The following BAZ2A variants were observed in gnomAD, a reference collection of about 807,000 sequenced individuals.
BAZ2A encodes the protein bromodomain adjacent to zinc finger domain 2A.
A neutral mutation model predicts 199.9 loss-of-function variants in BAZ2A; 34 were observed. That is an observed-to-expected ratio of 0.17 (90% confidence interval 0.13 to 0.23). BAZ2A has a LOEUF of 0.23. BAZ2A is among the 10% of genes least tolerant of loss of function. The probability of loss-of-function intolerance (pLI) is 1.00; values close to 1 mark genes in which losing one functional copy is unlikely to be tolerated. For synonymous variants in BAZ2A, 857 were observed against 883.9 expected (o/e 0.97, Z 0.54); for missense variants, 2,002 against 2,391.1 (o/e 0.84, Z 3.39).
At chr12:56,606,334 A>G in intron 11 of BAZ2A, 22 bp from the exon 12 acceptor site, 1 of 1,613,314 alleles carries the variant, frequency 6.2e-7, no homozygotes, top group Non-Finnish European at 8.5e-7. Flanking sequence ...AAGGGAAGTC[A>G]TTTCTCCTCA....
chr12:56,605,209 G>A lies in BAZ2A; in HGVS notation c.2612C>T (p.Ala871Val), dbSNP rs1034857292. 2.5e-6 allele frequency: 4 copies of A among 1,613,652 alleles called. No individual in the cohort carries two copies. In the African/African-American group the frequency reaches 5.3e-5, roughly 22 times the overall value. ...SFGKVLGFDP[A>V]KDVPSLGVLQ... Reference sequence around the variant, plus strand: ...GACCCCCAGGCTAGGCACATCTTTGGCAGGATCAAAGCCCAGCACCTTGCC... The same window carrying A: ...GACCCCCAGGCTAGGCACATCTTTGACAGGATCAAAGCCCAGCACCTTGCC... Residue 871 changes from alanine to valine, a missense_variant, in exon 14 of 29, where the codon GCC becomes GTC. Transcript: ENST00000549884.
intron 24 of BAZ2A, 36 bp from the exon 25 acceptor site, chr12:56,600,132 C>T (rs769139176): frequency 7.4e-6 from 12 of 1,612,598 alleles, no homozygotes; most frequent in African/African-American, 1.3e-5. Context: ...GGAGAAGGAG[C>T]GGATCCACTA....
rs1592567281 is a variant in BAZ2A, at chr12:56,604,691, A to G, written c.2857T>C (p.Cys953Arg). The change falls in exon 15 of 29, where the codon TGT becomes CGT. Residue 953 changes from cysteine (C) to arginine (R), a missense_variant. This residue lies in a region of BAZ2A where 1,081 missense variants were observed against 1,274.7 expected (regional missense o/e 0.85). Transcript: ENST00000549884. ...AAAGGCTGGGTGCGCAGGCGGTCAC[A>G]GAGGGCTGGCTCTACTCCATATGCC... ...LMAYGVEPAL[C>R]DRLRTQPFQA... The G allele has an allele frequency of 8.1e-6, 13 of 1,613,430 alleles. No homozygotes were observed. Among genetic ancestry groups the G allele is most frequent in the Non-Finnish European group, 1.1e-5 (13 of 1,179,678 alleles).
chr12:56,614,926 A>C (rs1950669452), intron 3 of BAZ2A, 88 bp downstream of exon 3: 3 of 1,350,492 alleles, frequency 2.2e-6, no homozygotes, highest in Non-Finnish European at 3.1e-6. Context: ...GAGAGCTGGA[A>C]AGACAAGTTT....
chr12:56,611,975 T>C lies in BAZ2A; in HGVS notation c.1407A>G (p.Pro469=), dbSNP rs755256492. Residue 469 remains proline (P), a synonymous_variant, in exon 6 of 29, where the codon CCA becomes CCG. Transcript: ENST00000549884. ...VSPAVFSVVS[P]ASSAVLPAVS... ...CTGCTGGGAGGACTGCTGAGGAAGC[T>C]GGAGAGACCACTGAGAAGACTGCTG... 18 of 1,613,390 alleles carry C rather than the reference T, an allele frequency of 1.1e-5. No individual in the cohort carries two copies. The African/African-American group carries it at 2.3e-4, about 20-fold the overall frequency.
At chr12:56,603,987 T>G (rs111315038) in intron 16 of BAZ2A, among the ~76,000 whole-genome samples, 1 of 151,640 alleles carries the variant, frequency 6.6e-6, no homozygotes, top group Non-Finnish European at 1.5e-5. Context: ...CATTCCAGCC[T>G]AGGCGACAGA....
chr12:56,617,224 A>C (rs1156357282), intron 2 of BAZ2A, among the ~76,000 whole-genome samples, 171 bp downstream of exon 2: 1 of 152,196 alleles, frequency 6.6e-6, no homozygotes, highest in Non-Finnish European at 1.5e-5. Flanking sequence ...GGTTTTTCTA[A>C]TCTCTTCCAA....
intron 1 of BAZ2A, chr12:56,636,172 C>T: frequency 6.3e-7 from 1 of 1,593,114 alleles, no homozygotes. Context: ...GGGCTGGTCC[C>T]CATACTCACC....
chr12:56,607,867 G>A (rs140973141), intron 10 of BAZ2A, among the ~76,000 whole-genome samples: 6,459 of 151,842 alleles, frequency 0.043, 457 homozygotes, highest in African/African-American at 0.15. Flanking sequence ...GATCACCTGA[G>A]GTCAGGAGTT....
rs1885767981 is a variant in BAZ2A at position 56,595,995 on chromosome 12, G to GAAA, written c.*2622_*2623insTTT. The GAAA allele has an allele frequency of 1.3e-5, 2 of 152,662 alleles. No individual in the cohort carries two copies. The highest frequency in any genetic ancestry group is 1.3e-4 in the Admixed American group (2 of 15,284). The allele number at this position is 152,662 out of a possible 1,614,324, so 9.5% of individuals were successfully genotyped here. A position where few individuals can be genotyped will look rare whatever the true frequency, so the allele number is the denominator to read the frequency against. On this transcript the variant is annotated 3_prime_UTR_variant, in exon 29 of 29. Coordinates refer to ENST00000549884, the MANE Select transcript of BAZ2A (RefSeq NM_001300905.2). ...GCACTTTTCTACAGCTGCACTTGTGGAACATCACATGGCAAAAACAGGAGT... is the reference window on the plus strand; with the variant it reads ...GCACTTTTCTACAGCTGCACTTGTGGAAAAACATCACATGGCAAAAACAGGAGT...
chr12:56,633,825 C>A (rs1226568234), upstream of BAZ2A, among the ~76,000 whole-genome samples: 1 of 152,150 alleles, frequency 6.6e-6, no homozygotes, highest in African/African-American at 2.4e-5. Flanking sequence ...GCAACCTACG[C>A]CTGCCAGGTT....
upstream of BAZ2A, chr12:56,636,419 G>T: frequency 7.4e-7 from 1 of 1,352,808 alleles, no homozygotes; most frequent in Non-Finnish European, 9.6e-7. Flanking sequence ...GCTTTCTCTG[G>T]GTGGAGAGAG....
upstream of BAZ2A, among the ~76,000 whole-genome samples, chr12:56,634,780 A>G (rs999018722): frequency 2.6e-5 from 4 of 152,184 alleles, no homozygotes; most frequent in Admixed American, 6.5e-5. Context: ...CGCGGAGGAC[A>G]GGGGGAAAAT....
chr12:56,635,291 G>C (rs919718690), upstream of BAZ2A, among the ~76,000 whole-genome samples: 2 of 152,028 alleles, frequency 1.3e-5, no homozygotes, highest in Non-Finnish European at 2.9e-5. The surrounding 1 kb of genome is among the most constrained non-coding windows in gnomAD (Gnocchi z 4.1). Flanking sequence ...AGCTCTGCCC[G>C]CGCTCCCAGG....
rs746954240 is a variant in BAZ2A, at chr12:56,597,742, T to C, written c.*876A>G. On this transcript the variant is annotated 3_prime_UTR_variant, in exon 29 of 29. Transcript: ENST00000549884. ...CTTAGGGTGCACCCAAACTCAGCAGTAGTTGTCCCTGAGGAGTTCCCAAGA... is the reference window on the plus strand; with the variant it reads ...CTTAGGGTGCACCCAAACTCAGCAGCAGTTGTCCCTGAGGAGTTCCCAAGA... The C allele has an allele frequency of 6.6e-6, 1 of 152,104 alleles. No homozygotes were observed. Among genetic ancestry groups the C allele is most frequent in the South Asian group, 2.1e-4 (1 of 4,796 alleles). 9.4% of individuals were successfully genotyped at this position (152,104 alleles called of 1,614,324 possible). A position where few individuals can be genotyped will look rare whatever the true frequency, so the allele number is the denominator to read the frequency against.
chr12:56,618,212 G>A (rs965298707), intron 1 of BAZ2A, among the ~76,000 whole-genome samples: 1 of 152,106 alleles, frequency 6.6e-6, no homozygotes, highest in African/African-American at 2.4e-5. Flanking sequence ...GTGGAAAATT[G>A]ATTAAATATG....
intron 5 of BAZ2A, 41 bp from the exon 6 acceptor site, chr12:56,612,287 AGGCATCACAT>A: frequency 2.8e-6 from 4 of 1,430,334 alleles, no homozygotes; most frequent in Non-Finnish European, 2.9e-6. Context: ...AAAAAAAAAA[AGGCATCACAT>A]AAAACAAGAG....
intron 12 of BAZ2A, 37 bp from the exon 13 acceptor site, chr12:56,606,100 G>A (rs773055818): frequency 1.9e-5 from 30 of 1,550,246 alleles, no homozygotes; most frequent in Non-Finnish European, 2.4e-5. Flanking sequence ...CTGCCATAAA[G>A]ATATCAGTCA....
rs1432267072 is a variant in BAZ2A, at chr12:56,617,527, C to G, written c.4G>C (p.Glu2Gln). 6.2e-7 allele frequency: 1 copy of G among 1,606,346 alleles called. No homozygotes were observed. Among genetic ancestry groups the G allele is most frequent in the Non-Finnish European group, 8.5e-7 (1 of 1,176,820 alleles). ...GTAAAGTTAAAATGGTCGTTTGCCT[C>G]CATTTCTGCAGGAGGGGAGAGAGAG... Reference protein sequence around the residue: MEANDHFNFTGL... With the variant: MQANDHFNFTGL... Residue 2 changes from glutamate to glutamine, a missense_variant, in exon 2 of 29, where the codon GAG (glutamate) becomes CAG (glutamine). This residue lies in a region of BAZ2A where 641 missense variants were observed against 694.5 expected (regional missense o/e 0.92). Coordinates refer to ENST00000549884, the MANE Select transcript of BAZ2A (RefSeq NM_001300905.2).
Sources: gnomAD v4.1 joint callset for allele counts (sites outside exome capture counted in the v4.1 genomes callset) on GRCh38, gnomAD v4.1.1 for gene constraint, gnomAD v4.1.1 regional missense constraint, Gnocchi (gnomAD v3.1) non-coding constraint, MANE v1.5 for transcripts, NCBI Gene and HGNC (gene_info 2026-07-23, HGNC 2026-07-21) for gene names.